The following MCF2L2 variants were observed in gnomAD, a reference collection of about 807,000 sequenced individuals.
The protein encoded by MCF2L2 is probable guanine nucleotide exchange factor MCF2L2.
MCF2L2 carries 102 observed loss-of-function variants against 150.2 expected under a neutral mutation model. The observed-to-expected ratio is 0.68, with a 90% CI of 0.58 to 0.80. The LOEUF (loss-of-function observed/expected upper bound fraction) is 0.80. Among genes scored for constraint, MCF2L2 ranks in the 30% least tolerant of loss-of-function variants. The pLI is 0.00. For synonymous variants in MCF2L2, 465 were observed against 491.3 expected (o/e 0.95, Z 0.71); for missense variants, 1,256 against 1,372.8 (o/e 0.91, Z 1.34).
chr3:183,195,224 C>T lies in MCF2L2; in HGVS notation c.2916G>A (p.Thr972=), dbSNP rs755749537. The T allele has an allele frequency of 1.2e-5, 19 of 1,603,992 alleles. No homozygotes were observed. Among genetic ancestry groups the T allele is most frequent in the South Asian group, 3.4e-5 (3 of 88,500 alleles). The change falls in exon 26 of 30, where the codon ACG becomes ACA. Residue 972 remains threonine (T), a splice_region_variant and synonymous_variant. Coordinates refer to ENST00000328913, the MANE Select transcript of MCF2L2 (RefSeq NM_015078.4). ...AAAATAAAAAAATCAGTACTCACCT[C>T]GTGCTCATTTCAAACTGTGGATTTC... ...DQGNPQFEMS[T]SKGSGAGSGP...
chr3:183,270,113 C>T lies in MCF2L2; in HGVS notation c.1862+6759G>A, dbSNP rs750868890. The T allele has an allele frequency of 1.1e-5, 18 of 1,613,974 alleles. No individual in the cohort carries two copies. Among genetic ancestry groups the T allele is most frequent in the Admixed American group, 5.0e-5 (3 of 59,990 alleles). ...CTCCTGAAAACTATGATCGACGTTCCGGAATTAGAAGGACGTGGGGCAATG... is the reference window on the plus strand; with the variant it reads ...CTCCTGAAAACTATGATCGACGTTCTGGAATTAGAAGGACGTGGGGCAATG... On this transcript the variant is annotated intron_variant, in intron 15 of 29. Coordinates refer to ENST00000328913, the MANE Select transcript of MCF2L2 (RefSeq NM_015078.4). The surrounding 1 kb of genome is among the most constrained non-coding windows in gnomAD (Gnocchi z 4.5).
intron 13 of MCF2L2, 108 bp downstream of exon 13, chr3:183,295,192 G>A (rs1728424059): frequency 1.3e-5 from 15 of 1,147,884 alleles, no homozygotes; most frequent in Non-Finnish European, 1.9e-5. Flanking sequence ...GTTTTAAATA[G>A]TATCTGTTAA....
chr3:183,224,041 T>A (rs1723255526), intron 19 of MCF2L2, 57 bp downstream of exon 19: 1 of 1,313,684 alleles, frequency 7.6e-7, no homozygotes, highest in Admixed American at 1.7e-5. Flanking sequence ...TTGATTTCTT[T>A]AACAACTTGA....
chr3:183,320,982 G>A (rs1056459234), intron 6 of MCF2L2, among the ~76,000 whole-genome samples: 1 of 152,188 alleles, frequency 6.6e-6, no homozygotes, highest in Admixed American at 6.5e-5. Flanking sequence ...AGGGAGGCCC[G>A]AGGAGAGGGA....
intron 1 of MCF2L2, among the ~76,000 whole-genome samples, chr3:183,405,602 G>C (rs1715003959): frequency 6.6e-6 from 1 of 152,144 alleles, no homozygotes; most frequent in Non-Finnish European, 1.5e-5. Flanking sequence ...ATATATTTCA[G>C]ATGTATTCAT....
intron 8 of MCF2L2, among the ~76,000 whole-genome samples, chr3:183,311,444 G>A (rs1577054436): frequency 6.6e-6 from 1 of 152,146 alleles, no homozygotes; most frequent in African/African-American, 2.4e-5. Flanking sequence ...CATTGAAGAG[G>A]GGGGAATAGA....
chr3:183,320,254 A>C (rs868358282), intron 6 of MCF2L2, among the ~76,000 whole-genome samples: 38 of 151,434 alleles, frequency 2.5e-4, no homozygotes, highest in African/African-American at 8.7e-4. Context: ...CACCACGCCC[A>C]GCTAATTTTT....
At chr3:183,199,639 A>G (rs996157745) in intron 25 of MCF2L2, among the ~76,000 whole-genome samples, 10 of 139,174 alleles carry the variant, frequency 7.2e-5, no homozygotes, top group African/African-American at 2.5e-4. Flanking sequence ...TTTTTTTATT[A>G]TACTTTAAGT....
chr3:183,179,514 G>A lies in MCF2L2; in HGVS notation c.3222-11C>T, dbSNP rs867867211. ...GTGCTGCGGGTCGCCCTGCAATTCC[G>A]AGAAGAAAGTCAGAGACGCCGTGGC... On this transcript the variant is annotated splice_polypyrimidine_tract_variant and intron_variant, in intron 29 of 29. Transcript: ENST00000328913. The surrounding 1 kb of genome is among the most constrained non-coding windows in gnomAD (Gnocchi z 4.2). 1.2e-6 allele frequency: 2 copies of A among 1,610,394 alleles called. No homozygotes were observed. Among genetic ancestry groups the A allele is most frequent in the Middle Eastern group, 3.3e-4 (2 of 6,040 alleles).
chr3:183,321,382 G>T (rs1028487063), intron 6 of MCF2L2, among the ~76,000 whole-genome samples: 1 of 149,890 alleles, frequency 6.7e-6, no homozygotes, highest in African/African-American at 2.5e-5. Context: ...AGGTTTCAGT[G>T]AGCTGAGATT....
intron 21 of MCF2L2, among the ~76,000 whole-genome samples, chr3:183,216,576 A>AT (rs1722941833): frequency 3.8e-5 from 1 of 26,528 alleles, no homozygotes; most frequent in Non-Finnish European, 5.8e-5. Flanking sequence ...ATATATATAT[A>AT]TATATTTTTT....
intron 2 of MCF2L2, among the ~76,000 whole-genome samples, chr3:183,380,748 A>G (rs1237203053): frequency 6.6e-6 from 1 of 152,160 alleles, no homozygotes; most frequent in Non-Finnish European, 1.5e-5. Context: ...ATTCTTGCAG[A>G]TGGTGTTGCA....
At chr3:183,254,977 A>G (rs971650480) in intron 15 of MCF2L2, among the ~76,000 whole-genome samples, 1 of 152,212 alleles carries the variant, frequency 6.6e-6, no homozygotes, top group African/African-American at 2.4e-5. Flanking sequence ...CACCCTGTAC[A>G]TTCTTGGCCG....
chr3:183,425,653 A>C (rs941205266), intron 1 of MCF2L2, among the ~76,000 whole-genome samples: 2 of 152,196 alleles, frequency 1.3e-5, no homozygotes, highest in African/African-American at 4.8e-5. Context: ...TCCTGCCCTG[A>C]GCCTGCCACT....
intron 5 of MCF2L2, 145 bp downstream of exon 5, chr3:183,338,655 C>T (rs1196817314): frequency 6.0e-6 from 4 of 669,912 alleles, no homozygotes; most frequent in African/African-American, 1.8e-5. Context: ...TGCCTCTATG[C>T]CTTCACACAT....
At chr3:183,190,002 G>A (rs1440923401) in intron 27 of MCF2L2, among the ~76,000 whole-genome samples, 2 of 152,176 alleles carry the variant, frequency 1.3e-5, no homozygotes, top group Non-Finnish European at 2.9e-5. Flanking sequence ...TGCCTCTGCT[G>A]TAGGAGATGA....
At chr3:183,338,447 CAAAAAAAA>C (rs58920831) in intron 5 of MCF2L2, among the ~76,000 whole-genome samples, 1 of 104,706 alleles carries the variant, frequency 9.6e-6, no homozygotes, top group African/African-American at 3.5e-5. Context: ...AACTCTATCT[CAAAAAAAA>C]AAAAAAAAAA....
At chr3:183,256,861 C>T (rs535666208) in intron 15 of MCF2L2, among the ~76,000 whole-genome samples, 1 of 152,068 alleles carries the variant, frequency 6.6e-6, no homozygotes, top group East Asian at 1.9e-4. Flanking sequence ...ACCGTTATTC[C>T]ATTAATGGAA....
chr3:183,350,125 G>C (rs1448497316), intron 3 of MCF2L2, among the ~76,000 whole-genome samples: 1 of 152,128 alleles, frequency 6.6e-6, no homozygotes, highest in African/African-American at 2.4e-5. Context: ...AGAGCATCTG[G>C]GTAAATGGAG....
Sources: allele counts gnomAD v4.1 joint callset (sites outside exome capture counted in the v4.1 genomes callset), GRCh38; gene constraint gnomAD v4.1.1; non-coding constraint Gnocchi (gnomAD v3.1); transcripts MANE v1.5; gene names NCBI Gene and HGNC (gene_info 2026-07-23, HGNC 2026-07-21).